Variants in PRKCQ observed in about 807,000 individuals in gnomAD.
PRKCQ encodes protein kinase C theta, also known as protein kinase C theta type.
Under a neutral mutation model 91.2 loss-of-function variants are expected in PRKCQ, and 41 were observed. The observed-to-expected ratio is 0.45, with a 90% CI of 0.35 to 0.58. PRKCQ has a LOEUF of 0.58. Ranked by LOEUF, PRKCQ falls within the 20% of genes least tolerant of loss-of-function variation. The pLI is 0.00. For missense variants in PRKCQ, 673 were observed against 896.5 expected (o/e 0.75, Z 3.18); for synonymous variants, 307 against 316.9 (o/e 0.97, Z 0.33).
chr10:6,424,023 C>A (rs538648451), downstream of PRKCQ, among the ~76,000 whole-genome samples: 5 of 151,528 alleles, frequency 3.3e-5, no homozygotes, highest in African/African-American at 7.3e-5. Flanking sequence ...GTGGTCCCTA[C>A]GTGCAAGAAA....
At chr10:6,416,916 G>A in the PRKCQ span, among the ~76,000 whole-genome samples, 2 of 152,322 alleles carry the variant, frequency 1.3e-5, no homozygotes, top group East Asian at 3.9e-4. Flanking sequence ...TCTTGCAGGA[G>A]TAAGGTGGTA....
intron 2 of PRKCQ, 144 bp downstream of exon 2, chr10:6,514,874 G>T: frequency 7.3e-7 from 1 of 1,366,444 alleles, no homozygotes; most frequent in Non-Finnish European, 1.0e-6. Context: ...GGAAGTCCTT[G>T]GCTTTGCTGG....
At chr10:6,425,303 C>T (rs764358594), downstream of PRKCQ, among the ~76,000 whole-genome samples, 25 of 151,032 alleles carry the variant, frequency 1.7e-4, no homozygotes, top group African/African-American at 3.9e-4. Context: ...CAGCTCACTG[C>T]GACCTCCGCC....
At chr10:6,543,177 A>G (rs1393937967) in intron 1 of PRKCQ, among the ~76,000 whole-genome samples, 1 of 152,202 alleles carries the variant, frequency 6.6e-6, no homozygotes, top group Non-Finnish European at 1.5e-5. Flanking sequence ...TTAGCCCAGC[A>G]GTTCCTGTAT....
In PRKCQ at chr10:6,486,054, A is replaced by G; in HGVS notation, c.881T>C (p.Met294Thr). ...TCCTACCTGTTGAGTGCTCTCAATCATGGCCAGCGCTTCAGCCATTAGCTT... is the reference window on the plus strand; with the variant it reads ...TCCTACCTGTTGAGTGCTCTCAATCGTGGCCAGCGCTTCAGCCATTAGCTT... The part of the protein sequence containing the change: ...NQKLMAEALA[M>T]IESTQQARCL... The change falls in exon 9 of 18, where the codon ATG becomes ACG. Residue 294 changes from methionine (M) to threonine (T), a missense_variant. Transcript: ENST00000263125. 5 of 1,614,040 alleles carry G rather than the reference A, an allele frequency of 3.1e-6. No homozygotes were observed. Among genetic ancestry groups the G allele is most frequent in the Non-Finnish European group, 4.2e-6 (5 of 1,180,016 alleles).
chr10:6,406,423 G>A, the PRKCQ span, among the ~76,000 whole-genome samples: 2 of 151,370 alleles, frequency 1.3e-5, no homozygotes, highest in Non-Finnish European at 2.9e-5. Context: ...AATAATGTTT[G>A]CTGAAGTCGC....
At chr10:6,498,679 C>A (rs544173687) in intron 4 of PRKCQ, 121 bp from the exon 5 acceptor site, 17 of 875,724 alleles carry the variant, frequency 1.9e-5, no homozygotes, top group South Asian at 1.5e-4. Flanking sequence ...TGAGTACCTG[C>A]TGTAACATTC....
intron 11 of PRKCQ, among the ~76,000 whole-genome samples, chr10:6,482,076 T>G (rs1179152023): frequency 2.7e-5 from 4 of 149,428 alleles, no homozygotes; most frequent in African/African-American, 9.8e-5. Context: ...ACCCCCCACC[T>G]GCATGTATGG....
chr10:6,576,565 T>C lies in PRKCQ; in HGVS notation c.-10+3646A>G, dbSNP rs977554938. Among the ~76,000 whole-genome samples the C allele has an allele frequency of 1.3e-5, 2 of 152,212 alleles. No homozygotes were observed. Among genetic ancestry groups the C allele is most frequent in the African/African-American group, 4.8e-5 (2 of 41,448 alleles). On this transcript the variant is annotated intron_variant, in intron 1 of 17. Coordinates refer to ENST00000263125, the MANE Select transcript of PRKCQ (RefSeq NM_006257.5). This position sits in a 1 kb window ranked among gnomAD's most constrained non-coding sequence, Gnocchi z 4.2. ...AGAGGAAAGACGGATGAGGAACGAATGTTCCACGAGGACAGAGTTTCAGTT... is the reference window on the plus strand; with the variant it reads ...AGAGGAAAGACGGATGAGGAACGAACGTTCCACGAGGACAGAGTTTCAGTT...
chr10:6,431,548 A>G (rs1215292256), intron 16 of PRKCQ, among the ~76,000 whole-genome samples: 1 of 152,248 alleles, frequency 6.6e-6, no homozygotes, highest in Non-Finnish European at 1.5e-5. Flanking sequence ...ACACACGTAC[A>G]GGAACACATG....
At chr10:6,405,331 C>T in the PRKCQ span, among the ~76,000 whole-genome samples, 2 of 152,172 alleles carry the variant, frequency 1.3e-5, no homozygotes, top group Non-Finnish European at 2.9e-5. Flanking sequence ...GATGTGTTTC[C>T]TTGGGAAGCA....
rs1279618283 is a variant in PRKCQ at position 6,533,900 on chromosome 10, C to G, written c.-9-18756G>C. Among the ~76,000 whole-genome samples, 4 of 152,128 alleles carry G rather than the reference C, an allele frequency of 2.6e-5. No homozygotes were observed. In the South Asian group the frequency reaches 8.3e-4, roughly 31 times the overall value. Reference sequence around the variant, plus strand: ...TTCATCCAGAAATAAAACTGCTAAACCACTAAAAGTACTAGGTAACATAGA... The same window carrying G: ...TTCATCCAGAAATAAAACTGCTAAAGCACTAAAAGTACTAGGTAACATAGA... On this transcript the variant is annotated intron_variant, in intron 1 of 17. Coordinates refer to ENST00000263125, the MANE Select transcript of PRKCQ (RefSeq NM_006257.5).
At chr10:6,579,459 T>A (rs900226517) in intron 1 of PRKCQ, among the ~76,000 whole-genome samples, 2 of 152,028 alleles carry the variant, frequency 1.3e-5, no homozygotes, top group African/African-American at 4.8e-5. Flanking sequence ...CCCGTGGACC[T>A]CTCTTCATGC....
At chr10:6,469,734 G>C (rs1222112337) in intron 12 of PRKCQ, among the ~76,000 whole-genome samples, 1 of 152,074 alleles carries the variant, frequency 6.6e-6, no homozygotes, top group African/African-American at 2.4e-5. Context: ...GATCTGACTT[G>C]ATAACCTCTA....
At chr10:6,456,549 T>C (rs1835017184) in intron 15 of PRKCQ, 125 bp downstream of exon 15, 1 of 1,309,950 alleles carries the variant, frequency 7.6e-7, no homozygotes, top group East Asian at 2.5e-5. Context: ...TATGAGATAC[T>C]TAAGAAAACA....
chr10:6,517,703 TA>T (rs1245371119), intron 1 of PRKCQ, among the ~76,000 whole-genome samples: 4 of 149,990 alleles, frequency 2.7e-5, no homozygotes, highest in Non-Finnish European at 5.9e-5. Flanking sequence ...GTGTTATTCC[TA>T]TTGGTAAGGT....
At chr10:6,527,556 G>A (rs376148226) in intron 1 of PRKCQ, among the ~76,000 whole-genome samples, 10 of 152,062 alleles carry the variant, frequency 6.6e-5, no homozygotes, top group African/African-American at 2.2e-4. Context: ...TGATGGATAC[G>A]TTTGTAAAAG....
Position 6,465,268 on chromosome 10 carries a change from T to C in PRKCQ, c.1354-864A>G, listed in dbSNP as rs1755456951. ...GCAATCAAGTTTAACCTTATTTTTC[T>C]CCAGTCCTGACTTAACTCATGGCAG... On this transcript the variant is annotated intron_variant, in intron 12 of 17. Coordinates refer to ENST00000263125, the MANE Select transcript of PRKCQ (RefSeq NM_006257.5). This position sits in a 1 kb window ranked among gnomAD's most constrained non-coding sequence, Gnocchi z 4.4. Among the ~76,000 whole-genome samples the C allele has an allele frequency of 6.6e-6, 1 of 152,170 alleles. No individual in the cohort carries two copies. The highest frequency in any genetic ancestry group is 2.4e-5 in the African/African-American group (1 of 41,444).
At chr10:6,432,973 ACTTT>A (rs1293238745) in intron 16 of PRKCQ, among the ~76,000 whole-genome samples, 5 of 151,860 alleles carry the variant, frequency 3.3e-5, no homozygotes, top group Admixed American at 2.0e-4. Flanking sequence ...TCCTTGTGAA[ACTTT>A]CTTTGATTAC....
Sources: allele counts gnomAD v4.1 joint callset (sites outside exome capture counted in the v4.1 genomes callset), GRCh38; gene constraint gnomAD v4.1.1; non-coding constraint Gnocchi (gnomAD v3.1); transcripts MANE v1.5; gene names NCBI Gene and HGNC (gene_info 2026-07-23, HGNC 2026-07-21).